The following LPP variants were observed in gnomAD, a reference collection of about 807,000 sequenced individuals.
LPP encodes the protein LIM domain containing preferred translocation partner in lipoma.
LPP carries 38 observed loss-of-function variants against 60.4 expected under a neutral mutation model. The ratio of observed to expected loss-of-function variants is 0.63; its 90% confidence interval spans 0.49 to 0.83. LPP has a LOEUF of 0.83. Among genes scored for constraint, LPP ranks in the 40% least tolerant of loss-of-function variants. LPP has a pLI of 0.00. For missense variants in LPP, 902 were observed against 783.6 expected (o/e 1.15, Z -1.80); for synonymous variants, 328 against 290.8 (o/e 1.13, Z -1.30).
chr3:188,275,536 T>G (rs1369867125), intron 2 of LPP, among the ~76,000 whole-genome samples: 1 of 152,182 alleles, frequency 6.6e-6, no homozygotes, highest in Non-Finnish European at 1.5e-5. Context: ...TCCACCTTAT[T>G]AAAGTGAGTT....
At chr3:188,270,645 A>T (rs985162800) in intron 2 of LPP, among the ~76,000 whole-genome samples, 1 of 152,180 alleles carries the variant, frequency 6.6e-6, no homozygotes, top group African/African-American at 2.4e-5. Context: ...CAGACATGCA[A>T]TGCATTCCTC....
chr3:188,668,989 A>T (rs1343200249), intron 7 of LPP, among the ~76,000 whole-genome samples: 1 of 152,158 alleles, frequency 6.6e-6, no homozygotes, highest in Non-Finnish European at 1.5e-5. Flanking sequence ...AATGATCATT[A>T]TTTGTAAGAT....
At chr3:188,516,665 A>G (rs540170706) in intron 5 of LPP, among the ~76,000 whole-genome samples, 1 of 137,852 alleles carries the variant, frequency 7.3e-6, no homozygotes, top group Non-Finnish European at 1.5e-5. Flanking sequence ...TCAAAGTGAG[A>G]ACACCTCACT....
chr3:188,803,540 A>G (rs528494863), intron 9 of LPP, among the ~76,000 whole-genome samples: 2 of 152,344 alleles, frequency 1.3e-5, no homozygotes, highest in Admixed American at 1.3e-4. Flanking sequence ...AGGGATGTCC[A>G]ATTGTTCCAG....
chr3:188,846,685 A>G (rs1370014073), intron 9 of LPP, among the ~76,000 whole-genome samples: 18 of 49,302 alleles, frequency 3.7e-4, no homozygotes, highest in Non-Finnish European at 8.5e-4. Flanking sequence ...TTCCATCTCA[A>G]AAAAAAAAAA....
At chr3:188,724,012 C>G (rs994313318) in intron 8 of LPP, among the ~76,000 whole-genome samples, 2 of 152,092 alleles carry the variant, frequency 1.3e-5, no homozygotes, top group Non-Finnish European at 2.9e-5. Flanking sequence ...AAGAGTTTTG[C>G]TTGCAATAGA....
chr3:188,765,800 G>A (rs542816846), intron 9 of LPP, among the ~76,000 whole-genome samples: 4 of 146,920 alleles, frequency 2.7e-5, no homozygotes, highest in African/African-American at 7.6e-5. Flanking sequence ...CCTCAGCCTC[G>A]CAAGTAGCTA....
At chr3:188,216,155 G>A (rs532189563) in intron 1 of LPP, among the ~76,000 whole-genome samples, 7 of 152,004 alleles carry the variant, frequency 4.6e-5, no homozygotes, top group African/African-American at 1.7e-4. Context: ...GAACAAGGCA[G>A]AATATATAGA....
At chr3:188,353,601 C>T (rs1766608212) in intron 3 of LPP, among the ~76,000 whole-genome samples, 1 of 152,176 alleles carries the variant, frequency 6.6e-6, no homozygotes, top group Admixed American at 6.5e-5. Context: ...CTTCTGCTTT[C>T]CCCCACTACA....
At chr3:188,470,948 A>G (rs887012418) in intron 4 of LPP, among the ~76,000 whole-genome samples, 2 of 152,168 alleles carry the variant, frequency 1.3e-5, no homozygotes, top group Non-Finnish European at 2.9e-5. Flanking sequence ...AAAGCTTATC[A>G]AGTTTCTCTC....
chr3:188,368,680 TCTCACACACACACA>T (rs1254599906), intron 3 of LPP, among the ~76,000 whole-genome samples: 18 of 95,290 alleles, frequency 1.9e-4, no homozygotes, highest in African/African-American at 7.5e-4. Context: ...ACACACACAC[TCTCACACACACACA>T]CACACACACA....
intron 3 of LPP, among the ~76,000 whole-genome samples, chr3:188,384,843 T>C (rs1250268933): frequency 3.5e-5 from 5 of 143,688 alleles, no homozygotes; most frequent in South Asian, 4.4e-4. Context: ...AGTCCCGGAG[T>C]CCTTTCCATG....
intron 8 of LPP, among the ~76,000 whole-genome samples, chr3:188,754,127 A>C (rs986737648): frequency 2.6e-5 from 4 of 152,306 alleles, no homozygotes; most frequent in Middle Eastern, 3.4e-3. Flanking sequence ...TTCTTTGTGG[A>C]TTCTATATTG....
At chr3:188,717,101 C>A (rs1182341185) in intron 8 of LPP, among the ~76,000 whole-genome samples, 1 of 152,210 alleles carries the variant, frequency 6.6e-6, no homozygotes, top group Non-Finnish European at 1.5e-5. Flanking sequence ...TCCCCACTCC[C>A]CAGGGCTCTC....
intron 9 of LPP, among the ~76,000 whole-genome samples, chr3:188,789,097 G>GT (rs1742843732): frequency 7.4e-6 from 1 of 135,114 alleles, no homozygotes; most frequent in Admixed American, 8.3e-5. Context: ...GTTGTTGTTG[G>GT]GTTTTTTTTT....
rs1411962990 is a variant in LPP at position 188,343,481 on chromosome 3, C to T, written c.-10+1762C>T. ...AGATACCTACTATCATAGTTTTTGA[C>T]AGCTCTGTGAGGCAGAGATCTAACT... On this transcript the variant is annotated intron_variant, in intron 3 of 11. Coordinates refer to ENST00000617246, the MANE Select transcript of LPP (RefSeq NM_001375462.1). 3.3e-5 allele frequency among the ~76,000 whole-genome samples: 5 copies of T among 152,124 alleles called. No individual in the cohort carries two copies. The East Asian group carries it at 9.6e-4, about 29-fold the overall frequency.
At chr3:188,627,394 G>A (rs1250231918) in intron 7 of LPP, among the ~76,000 whole-genome samples, 1 of 152,178 alleles carries the variant, frequency 6.6e-6, no homozygotes, top group Non-Finnish European at 1.5e-5. Context: ...CTGTTTTCCA[G>A]AGTCCCATCT....
intron 2 of LPP, among the ~76,000 whole-genome samples, chr3:188,316,125 A>G (rs1024013512): frequency 6.6e-5 from 10 of 152,280 alleles, no homozygotes; most frequent in African/African-American, 2.4e-4. Flanking sequence ...AAAATACAAA[A>G]AAACCAGCCA....
chr3:188,383,234 C>T (rs986378017), intron 3 of LPP, among the ~76,000 whole-genome samples: 1 of 152,090 alleles, frequency 6.6e-6, no homozygotes, highest in Admixed American at 6.6e-5. Context: ...AAATTTGCTT[C>T]TCTTTTTTAT....
Sources: allele counts gnomAD v4.1 joint callset (sites outside exome capture counted in the v4.1 genomes callset), GRCh38; gene constraint gnomAD v4.1.1; transcripts MANE v1.5; gene names NCBI Gene and HGNC (gene_info 2026-07-23, HGNC 2026-07-21).